The following TEX15 variants were observed in gnomAD, a reference collection of about 807,000 sequenced individuals.
The protein encoded by TEX15 is testis expressed 15, meiosis and synapsis associated.
TEX15 carries 171 observed loss-of-function variants against 237.3 expected under a neutral mutation model. The ratio of observed to expected loss-of-function variants is 0.72; its 90% CI spans 0.64 to 0.82. The LOEUF is 0.82. TEX15 is among the 40% of genes least tolerant of loss of function. The pLI is 0.00. For synonymous variants in TEX15, 1,338 were observed against 1,269.8 expected, an observed-to-expected ratio of 1.05 and a Z score of -1.14; for missense variants, 3,750 against 3,646.5, an observed-to-expected ratio of 1.03 and a Z score of -0.73.
rs1321926534 is a variant in TEX15 at position 30,832,884 on chromosome 8, TA to T, written c.*401del. On this transcript the variant is annotated 3_prime_UTR_variant, in exon 11 of 11. Coordinates refer to ENST00000643185, the MANE Select transcript of TEX15 (RefSeq NM_001350162.2). ...ATTTGCCATATCTGGCATAGAATTG[TA>T]AATTATATAATAAAGTGTCAAGAAT... 1 of 153,158 alleles carries T rather than the reference TA, an allele frequency of 6.5e-6. No homozygotes were observed. The highest frequency in any genetic ancestry group is 1.9e-4 in the East Asian group (1 of 5,242). 9.5% of individuals were successfully genotyped at this position (153,158 alleles called of 1,614,324 possible).
At chr8:30,911,339 A>G (rs981766954) in intron 1 of TEX15, among the ~76,000 whole-genome samples, 11 of 152,068 alleles carry the variant, frequency 7.2e-5, no homozygotes, top group Admixed American at 7.2e-4. Flanking sequence ...TTTTGTAGAG[A>G]CGGGATTTCC....
chr8:30,858,780 CCTAGGTTTAT>C lies in TEX15; in HGVS notation c.728_737del (p.Asp243GlyfsTer8). On this transcript the variant is annotated frameshift_variant, in exon 7 of 11. Transcript: ENST00000643185. LOFTEE classifies it high-confidence loss of function. Reference sequence around the variant, plus strand: ...TTACTACAGCATATGGAAGACATTGCCTAGGTTTATCTACAGGCTTTGAAAGGACACTGTA... The same window carrying C: ...TTACTACAGCATATGGAAGACATTGCCTACAGGCTTTGAAAGGACACTGTA... 1 of 1,535,494 alleles carries C rather than the reference CCTAGGTTTAT, an allele frequency of 6.5e-7. No homozygotes were observed. The highest frequency in any genetic ancestry group is 8.7e-7 in the Non-Finnish European group (1 of 1,146,610).
rs1807474847 is a variant in TEX15 at position 30,842,230 on chromosome 8, CTTCT to C, written c.7933_7936del (p.Arg2645GlyfsTer6). 6 of 1,612,412 alleles carry C rather than the reference CTTCT, an allele frequency of 3.7e-6. No individual in the cohort carries two copies. Among genetic ancestry groups the C allele is most frequent in the East Asian group, 4.5e-5 (2 of 44,830 alleles). ...TTTTCTCTTCAGCTGTAAAATCTTC[CTTCT>C]GTTATACAGCATTTGGCATAGGAAA... On this transcript the variant is annotated frameshift_variant, in exon 8 of 11. Coordinates refer to ENST00000643185, the MANE Select transcript of TEX15 (RefSeq NM_001350162.2). LOFTEE classifies it high-confidence loss of function.
In TEX15 at chr8:30,843,250, C is replaced by T. The variant is rs1264867096; in HGVS notation, c.6917G>A (p.Cys2306Tyr). The T allele has an allele frequency of 6.2e-7, 1 of 1,613,156 alleles. No individual in the cohort carries two copies. Among genetic ancestry groups the T allele is most frequent in the Admixed American group, 1.7e-5 (1 of 59,944 alleles). The change falls in exon 8 of 11, where the codon TGT (cysteine) becomes TAT (tyrosine). Residue 2306 changes from cysteine to tyrosine, a missense_variant. By Grantham distance (194) the Cys-to-Tyr change is radical. Coordinates refer to ENST00000643185, the MANE Select transcript of TEX15 (RefSeq NM_001350162.2). ...DEERLLRVNK[C>Y]AFSKLQKIYD... ...TATCTTCTGCAACTTAGAAAAGGCA[C>T]ATTTATTCACTCTGAGTAGCCTTTC... is the stretch of plus-strand genomic sequence containing the variant.
In TEX15 at chr8:30,837,362, A is replaced by C. The variant is rs764704820; in HGVS notation, c.8922T>G (p.Thr2974=). 1.9e-6 allele frequency: 3 copies of C among 1,614,162 alleles called. No homozygotes were observed. The South Asian group carries it at 3.3e-5, about 18-fold the overall frequency. Residue 2974 remains threonine, a synonymous_variant, in exon 10 of 11, where the codon ACT becomes ACG. Coordinates refer to ENST00000643185, the MANE Select transcript of TEX15 (RefSeq NM_001350162.2). ...KYMKDTLNPN[T]VHTFGASGHI... The stretch of plus-strand genomic sequence containing the variant: ...GCCCAGATGCTCCAAAAGTATGCAC[A>C]GTATTGGGATTCAATGTATCCTTCA...
rs1335250162 is a variant in TEX15, at chr8:30,843,828, A to C, written c.6339T>G (p.Leu2113=). Reference sequence around the variant, plus strand: ...GTTGAAATCCACGTGGTTTTCCAAGAAGCTCAGCATACAGTGTTTCATCAT... The same window carrying C: ...GTTGAAATCCACGTGGTTTTCCAAGCAGCTCAGCATACAGTGTTTCATCAT... ...LWYDETLYAE[L]LGKPRGFQQQ... The change falls in exon 8 of 11, where the codon CTT becomes CTG. Residue 2113 remains leucine, a synonymous_variant. Coordinates refer to ENST00000643185, the MANE Select transcript of TEX15 (RefSeq NM_001350162.2). The C allele has an allele frequency of 2.5e-6, 4 of 1,612,834 alleles. No individual in the cohort carries two copies. Among genetic ancestry groups the C allele is most frequent in the Admixed American group, 3.3e-5 (2 of 59,896 alleles).
rs1389286483 is a variant in TEX15 at position 30,848,157 on chromosome 8, C to T, written c.2010G>A (p.Glu670=). The T allele has an allele frequency of 1.2e-6, 2 of 1,610,644 alleles. No homozygotes were observed. The highest frequency in any genetic ancestry group is 2.2e-5 in the South Asian group (2 of 90,370). The change falls in exon 8 of 11, where the codon GAG becomes GAA. Residue 670 remains glutamate, a synonymous_variant. Coordinates refer to ENST00000643185, the MANE Select transcript of TEX15 (RefSeq NM_001350162.2). ...AGCTTTTCCCAAAAGAATTATGACT[C>T]TCACTCTCTTTGTATTCTTGGTGCA... ...IVLHQEYKES[E]SHNSFGKSCD... is the part of the protein sequence containing the mutation.
At chr8:30,863,777 A>G (rs1808100660) in intron 5 of TEX15, among the ~76,000 whole-genome samples, 1 of 152,194 alleles carries the variant, frequency 6.6e-6, no homozygotes, top group African/African-American at 2.4e-5. Flanking sequence ...AAGTTTATAC[A>G]GCAGGTTGAT....
chr8:30,843,894 C>G lies in TEX15; in HGVS notation c.6273G>C (p.Arg2091Ser), dbSNP rs533310455. The change falls in exon 8 of 11, where the codon AGG becomes AGC. Residue 2091 changes from arginine to serine, a missense_variant. Arg to Ser is a moderately radical substitution (Grantham distance 110, BLOSUM62 -1). Coordinates refer to ENST00000643185, the MANE Select transcript of TEX15 (RefSeq NM_001350162.2). The stretch of plus-strand genomic sequence containing the variant: ...GCAATGTTGGTTCACCTTCTAAGTG[C>G]CTTTTTTTGTTTTCAATGAATTGAA... ...ETIQFIENKK[R>S]HLEGEPTLRS... 1 of 1,612,798 alleles carries G rather than the reference C, an allele frequency of 6.2e-7. No individual in the cohort carries two copies. Among genetic ancestry groups the G allele is most frequent in the Admixed American group, 1.7e-5 (1 of 59,916 alleles).
At position 30,847,082 on chromosome 8, in the gene TEX15, A is replaced by C; in HGVS notation, c.3085T>G (p.Cys1029Gly). 1 of 1,613,050 alleles carries C rather than the reference A, an allele frequency of 6.2e-7. No individual in the cohort carries two copies. Among genetic ancestry groups the C allele is most frequent in the Non-Finnish European group, 8.5e-7 (1 of 1,179,626 alleles). ...GLLVKHRVSD[C>G]EIDTDKNKSQ... ...TTATTTTTATCCGTATCAATTTCAC[A>C]ATCAGAAACCCTATGTTTTACTAAC... The change falls in exon 8 of 11, where the codon TGT (cysteine) becomes GGT (glycine). Residue 1029 changes from cysteine to glycine, a missense_variant. Physicochemically the swap from Cys to Gly is radical, Grantham distance 159. Coordinates refer to ENST00000643185, the MANE Select transcript of TEX15 (RefSeq NM_001350162.2).
At chr8:30,884,410 T>C (rs58381869) in intron 3 of TEX15, among the ~76,000 whole-genome samples, 17,709 of 152,208 alleles carry the variant, frequency 0.12, 1,713 homozygotes, top group African/African-American at 0.27. Flanking sequence ...AAAGAATTGG[T>C]GTAACTTCTT....
intron 2 of TEX15, among the ~76,000 whole-genome samples, chr8:30,896,924 A>C (rs1392397165): frequency 6.6e-6 from 1 of 152,232 alleles, no homozygotes; most frequent in Non-Finnish European, 1.5e-5. Context: ...AGAACTGATC[A>C]GAGTGACCAT....
intron 6 of TEX15, among the ~76,000 whole-genome samples, chr8:30,859,334 C>T (rs993857391): frequency 1.7e-4 from 26 of 152,010 alleles, no homozygotes; most frequent in African/African-American, 6.0e-4. Flanking sequence ...ATGACTAATA[C>T]ATAAGCCTTT....
chr8:30,875,031 G>T lies in TEX15; in HGVS notation c.208C>A (p.Leu70Ile). The change falls in exon 4 of 11, where the codon CTT becomes ATT. Residue 70 changes from leucine (L) to isoleucine (I), a missense_variant. Transcript: ENST00000643185. ...FIHDTLNQCR[L>I]DVNCDLQSLW... is the part of the protein sequence containing the mutation. ...GACTGCAGATCACAGTTTACATCAA[G>T]CCTGCACTGGTTAAGAGTATCATGT... 7.3e-7 allele frequency: 1 copy of T among 1,372,374 alleles called. No individual in the cohort carries two copies. The highest frequency in any genetic ancestry group is 9.4e-7 in the Non-Finnish European group (1 of 1,060,462). The allele number at this position is 1,372,374 out of a possible 1,614,324, so 85.0% of individuals were successfully genotyped here.
chr8:30,860,135 A>C, intron 5 of TEX15, 78 bp from the exon 6 acceptor site: 1 of 1,224,094 alleles, frequency 8.2e-7, no homozygotes, highest in Non-Finnish European at 1.1e-6. Flanking sequence ...TCAAACATAA[A>C]AGGCTAACAT....
intron 7 of TEX15, among the ~76,000 whole-genome samples, chr8:30,851,037 T>A (rs946979510): frequency 6.6e-6 from 1 of 152,210 alleles, no homozygotes; most frequent in African/African-American, 2.4e-5. Flanking sequence ...TATAAATTCG[T>A]ACAAATTTCC....
In TEX15 at chr8:30,842,052, A is replaced by G; in HGVS notation, c.8115T>C (p.Ser2705=). 6.2e-7 allele frequency: 1 copy of G among 1,609,770 alleles called. No homozygotes were observed. The stretch of plus-strand genomic sequence containing the variant: ...CAGTAGTATCTTGCTGTTGTTCCTG[A>G]GAGTCTTCACATTTGTCTACAGTGC... ...RPSTVDKCED[S]QEQQQDTTVS... The change falls in exon 8 of 11, where the codon TCT becomes TCC. Residue 2705 remains serine (S), a synonymous_variant. Coordinates refer to ENST00000643185, the MANE Select transcript of TEX15 (RefSeq NM_001350162.2).
Position 30,842,410 on chromosome 8 carries a change from T to C in TEX15, c.7757A>G (p.Tyr2586Cys), listed in dbSNP as rs1807480848. 1 of 1,613,782 alleles carries C rather than the reference T, an allele frequency of 6.2e-7. No homozygotes were observed. The highest frequency in any genetic ancestry group is 8.5e-7 in the Non-Finnish European group (1 of 1,179,852). The change falls in exon 8 of 11, where the codon TAC becomes TGC. Residue 2586 changes from tyrosine (Y) to cysteine (C), a missense_variant. Physicochemically the swap from Tyr to Cys is radical, Grantham distance 194. Transcript: ENST00000643185. ...CAGTGTAGAAAATTGATTGTAGTTG[T>C]ATTCTAACTCTGTCACAGTGCTTCC... ...NYGSTVTELEYNYNQFSTLLK... is the reference protein window; with the variant it reads ...NYGSTVTELECNYNQFSTLLK...
chr8:30,854,788 C>T (rs181082607), intron 7 of TEX15, among the ~76,000 whole-genome samples: 59 of 152,140 alleles, frequency 3.9e-4, no homozygotes, highest in African/African-American at 1.4e-3. Flanking sequence ...ATGAATTATA[C>T]ACCATGACCA....
Sources: gnomAD v4.1 joint callset for allele counts (sites outside exome capture counted in the v4.1 genomes callset) on GRCh38, gnomAD v4.1.1 for gene constraint, MANE v1.5 for transcripts, NCBI Gene and HGNC (gene_info 2026-07-23, HGNC 2026-07-21) for gene names.